DNAH8: variants seen among roughly 807,000 people sequenced by gnomAD.
The protein encoded by DNAH8 is dynein axonemal heavy chain 8.
A neutral mutation model predicts 562.1 loss-of-function variants in DNAH8; 382 were observed. The observed-to-expected ratio is 0.68, with a 90% confidence interval of 0.63 to 0.74. The LOEUF (loss-of-function observed/expected upper bound fraction) is 0.74, where lower values mean the gene tolerates loss of function less well. DNAH8 is among the 30% of genes least tolerant of loss of function. The pLI is 0.00. For missense variants in DNAH8, 5,203 were observed against 5,620.4 expected (o/e 0.93, Z 2.37); for synonymous variants, 1,881 against 1,919.4 (o/e 0.98, Z 0.52).
At chr6:39,013,624 G>A (rs1018570379) in intron 91 of DNAH8, among the ~76,000 whole-genome samples, 6 of 152,144 alleles carry the variant, frequency 3.9e-5, no homozygotes, top group Non-Finnish European at 7.3e-5. Context: ...GGTCAAGGTG[G>A]GCAAGTTGCT....
rs576361214 is a variant in DNAH8 at position 39,015,549 on chromosome 6, C to A, written c.13714+2912C>A. 3.6e-4 allele frequency among the ~76,000 whole-genome samples: 55 copies of A among 152,222 alleles called. 1 individual carries two copies. In the South Asian group the frequency reaches 0.011, roughly 32 times the overall value. ...AGTGTTTGGCAGTTCCTCCTTCACT[C>A]TCTCTCTCCTGCCTCCATGTAAGAC... On this transcript the variant is annotated intron_variant, in intron 91 of 92. Coordinates refer to ENST00000327475, the MANE Select transcript of DNAH8 (RefSeq NM_001206927.2).
In DNAH8 at chr6:38,860,568, A is replaced by G. The variant is rs868195768; in HGVS notation, c.6070A>G (p.Ile2024Val). The G allele has an allele frequency of 6.5e-7, 1 of 1,538,046 alleles. No homozygotes were observed. The highest frequency in any genetic ancestry group is 1.7e-4 in the Middle Eastern group (1 of 5,900). ...TVVSITDVDF[I>V]YQNEFLGCTD... Reference sequence around the variant, plus strand: ...GGTGTCTATTACAGATGTTGATTTTATTTACCAAAATGAATTTCTGGGATG... The same window carrying G: ...GGTGTCTATTACAGATGTTGATTTTGTTTACCAAAATGAATTTCTGGGATG... Residue 2024 changes from isoleucine to valine, a missense_variant, in exon 43 of 93, where the codon ATT becomes GTT. Physicochemically the swap from Ile to Val is conservative, Grantham distance 29 (BLOSUM62 3). Around this residue, in one of 6 missense-constraint regions of DNAH8, gnomAD observed 2,176 missense variants for 2,365.1 expected, o/e 0.92. Transcript: ENST00000327475.
intron 22 of DNAH8, among the ~76,000 whole-genome samples, chr6:38,804,684 T>C (rs992978444): frequency 2.6e-5 from 4 of 151,462 alleles, no homozygotes; most frequent in Non-Finnish European, 5.9e-5. Context: ...AAGTAGGGAA[T>C]CTGTGGGAAG....
At chr6:38,772,971 C>A (rs912320974) in intron 12 of DNAH8, among the ~76,000 whole-genome samples, 3 of 88,086 alleles carry the variant, frequency 3.4e-5, no homozygotes, top group South Asian at 4.7e-4. Context: ...GCTAATTAAA[C>A]TTTTTTTTTT....
chr6:38,838,061 C>T lies in DNAH8; in HGVS notation c.4466+19C>T. 1 of 1,456,772 alleles carries T rather than the reference C, an allele frequency of 6.9e-7. No homozygotes were observed. 90.2% of individuals were successfully genotyped at this position (1,456,772 alleles called of 1,614,324 possible). ...AAACCAGGTAAGTTTAGAAAATAAG[C>T]AAGTATTACATGCAAATAATTAAAT... On this transcript the variant is annotated intron_variant, in intron 33 of 92. Coordinates refer to ENST00000327475, the MANE Select transcript of DNAH8 (RefSeq NM_001206927.2).
chr6:38,780,899 GC>G (rs1394448532), intron 15 of DNAH8, among the ~76,000 whole-genome samples: 1 of 152,044 alleles, frequency 6.6e-6, no homozygotes, highest in Non-Finnish European at 1.5e-5. Flanking sequence ...GTATAGCAAA[GC>G]CCGTTTAAGT....
At chr6:38,913,817 C>T (rs1781088399) in intron 66 of DNAH8, 32 bp from the exon 67 acceptor site, 6 of 1,403,854 alleles carry the variant, frequency 4.3e-6, no homozygotes, top group Non-Finnish European at 4.0e-6. Flanking sequence ...TACCTGTACT[C>T]AGTAAAGGTA....
At chr6:38,888,519 G>C (rs1212091966) in intron 57 of DNAH8, among the ~76,000 whole-genome samples, 2 of 152,062 alleles carry the variant, frequency 1.3e-5, no homozygotes, top group Non-Finnish European at 1.5e-5. Context: ...TGAATATTTA[G>C]AGAAATCCTA....
At chr6:38,933,153 T>C (rs1401884552) in intron 76 of DNAH8, among the ~76,000 whole-genome samples, 1 of 152,108 alleles carries the variant, frequency 6.6e-6, no homozygotes, top group Non-Finnish European at 1.5e-5. Flanking sequence ...GTGCTGTGGG[T>C]TTATTTTGAG....
intron 53 of DNAH8, among the ~76,000 whole-genome samples, chr6:38,878,205 A>G (rs1778174591): frequency 6.6e-6 from 1 of 152,234 alleles, no homozygotes; most frequent in African/African-American, 2.4e-5. Context: ...GGAAGACTTT[A>G]ACAACACTAT....
rs757918729 is a variant in DNAH8, at chr6:38,932,039, T to C, written c.11457+46T>C. ...AAGAATTTCTGCTTATAATACATGC[T>C]TAAAATGTATTGAGAAATTGCTAAG... On this transcript the variant is annotated intron_variant, in intron 76 of 92. Transcript: ENST00000327475. 3 of 1,330,570 alleles carry C rather than the reference T, an allele frequency of 2.3e-6. No individual in the cohort carries two copies. In the Admixed American group the frequency reaches 8.6e-5, roughly 38 times the overall value. 82.4% of individuals were successfully genotyped at this position (1,330,570 alleles called of 1,614,324 possible). A position where few individuals can be genotyped will look rare whatever the true frequency, so the allele number is the denominator to read the frequency against.
chr6:38,873,526 A>G (rs1583237921), intron 52 of DNAH8, 150 bp downstream of exon 52: 5 of 688,410 alleles, frequency 7.3e-6, no homozygotes, highest in South Asian at 2.3e-5. Flanking sequence ...TTTGATTTCT[A>G]TTAAAGATCT....
At chr6:38,826,801 G>A (rs898611259) in intron 29 of DNAH8, among the ~76,000 whole-genome samples, 2 of 152,108 alleles carry the variant, frequency 1.3e-5, no homozygotes, top group Non-Finnish European at 2.9e-5. Flanking sequence ...CAGGCAGTAT[G>A]GCAGAAACAG....
chr6:38,885,934 G>A (rs548948177), intron 56 of DNAH8, among the ~76,000 whole-genome samples: 41 of 152,258 alleles, frequency 2.7e-4, no homozygotes, highest in African/African-American at 9.6e-4. Flanking sequence ...AGAAAATTTT[G>A]TCTATGCTAC....
At chr6:38,831,234 G>A (rs1773806065) in intron 30 of DNAH8, among the ~76,000 whole-genome samples, 1 of 151,914 alleles carries the variant, frequency 6.6e-6, no homozygotes, top group Admixed American at 6.6e-5. Context: ...AGACCAGCCT[G>A]GGCAACATGT....
intron 85 of DNAH8, among the ~76,000 whole-genome samples, chr6:38,977,757 T>C (rs1763768161): frequency 6.6e-6 from 1 of 152,212 alleles, no homozygotes; most frequent in South Asian, 2.1e-4. Context: ...TAATGTTCTA[T>C]GGGTTATTTT....
chr6:38,898,340 A>G lies in DNAH8; in HGVS notation c.9023A>G (p.Asp3008Gly), dbSNP rs756764956. 1 of 1,586,276 alleles carries G rather than the reference A, an allele frequency of 6.3e-7. No homozygotes were observed. Among genetic ancestry groups the G allele is most frequent in the Non-Finnish European group, 8.5e-7 (1 of 1,171,724 alleles). ...GAAATCATTAGAGGAACATCTCTTGATCTGGTGTTTTTTAAAGATGCAATG... is the reference window on the plus strand; with the variant it reads ...GAAATCATTAGAGGAACATCTCTTGGTCTGGTGTTTTTTAAAGATGCAATG... ...FNEIIRGTSL[D>G]LVFFKDAMTH... The change falls in exon 61 of 93, where the codon GAT (aspartate) becomes GGT (glycine). Residue 3008 changes from aspartate (D) to glycine (G), a missense_variant. Asp to Gly is a moderately conservative substitution (Grantham distance 94, BLOSUM62 -1). This residue lies in a region of DNAH8 where 977 missense variants were observed against 1,061.8 expected (regional missense o/e 0.92). Transcript: ENST00000327475.
At position 38,857,543 on chromosome 6, in the gene DNAH8, T is replaced by G; in HGVS notation, c.5759T>G (p.Leu1920Trp). 1.9e-6 allele frequency: 3 copies of G among 1,613,310 alleles called. No individual in the cohort carries two copies. Among genetic ancestry groups the G allele is most frequent in the Non-Finnish European group, 2.5e-6 (3 of 1,179,580 alleles). The change falls in exon 42 of 93, where the codon TTG becomes TGG. Residue 1920 changes from leucine (L) to tryptophan (W), a missense_variant. Transcript: ENST00000327475. ...AQVGLLGIQM[L>W]WTHDSEEALR... ...GTTGGACTTCTGGGAATTCAGATGT[T>G]GTGGACACACGATTCAGAAGAGGCT...
intron 73 of DNAH8, among the ~76,000 whole-genome samples, chr6:38,925,497 G>A (rs577183328): frequency 1.3e-5 from 2 of 151,858 alleles, no homozygotes; most frequent in South Asian, 2.1e-4. Context: ...CGCCTGGCCC[G>A]GTGATTTTAT....
Sources: allele counts gnomAD v4.1 joint callset (sites outside exome capture counted in the v4.1 genomes callset), GRCh38; gene constraint gnomAD v4.1.1; regional missense constraint gnomAD v4.1.1; transcripts MANE v1.5; gene names NCBI Gene and HGNC (gene_info 2026-07-23, HGNC 2026-07-21).